The following CATSPER3 variants were observed in gnomAD, a reference collection of about 807,000 sequenced individuals.
CATSPER3 encodes cation channel sperm-associated protein 3.
CATSPER3 carries 23 observed loss-of-function variants against 36.6 expected under a neutral mutation model. The observed-to-expected ratio is 0.63, with a 90% CI of 0.45 to 0.89. CATSPER3 has a LOEUF of 0.89. Ranked by LOEUF, CATSPER3 falls within the 40% of genes least tolerant of loss-of-function variation. The pLI is 0.00. For missense variants in CATSPER3, 474 were observed against 503.9 expected (o/e 0.94, Z 0.57); for synonymous variants, 172 against 184.1 (o/e 0.93, Z 0.53).
At chr5:135,008,570 A>G (rs1285543224) in intron 4 of CATSPER3, among the ~76,000 whole-genome samples, 1 of 152,054 alleles carries the variant, frequency 6.6e-6, no homozygotes, top group African/African-American at 2.4e-5. Flanking sequence ...TGGGCCTGGC[A>G]GAGAGGCAGT....
intron 3 of CATSPER3, among the ~76,000 whole-genome samples, chr5:134,999,941 C>G (rs371398134): frequency 2.0e-5 from 3 of 152,160 alleles, no homozygotes; most frequent in African/African-American, 7.2e-5. Flanking sequence ...ACTTCCAACA[C>G]TATGTTGAAT....
intron 3 of CATSPER3, 70 bp from the exon 4 acceptor site, chr5:135,007,887 T>A: frequency 8.9e-7 from 1 of 1,129,350 alleles, no homozygotes; most frequent in South Asian, 1.2e-5. Context: ...CTGGGCAGAA[T>A]GGACCTCTGT....
Position 135,010,458 on chromosome 5 carries a change from AT to A in CATSPER3, c.1026del (p.Phe342LeufsTer36), listed in dbSNP as rs1752167175. The A allele has an allele frequency of 1.1e-5, 17 of 1,613,870 alleles. No individual in the cohort carries two copies. The East Asian group carries it at 3.8e-4, about 36-fold the overall frequency. On this transcript the variant is annotated frameshift_variant, in exon 7 of 8. Coordinates refer to ENST00000282611, the MANE Select transcript of CATSPER3 (RefSeq NM_178019.3). LOFTEE classifies it high-confidence loss of function. The part of the protein sequence containing the change: ...LSHTDPMVLD[D>X]FGTSLPFIDI... ...CACACTGACCCAATGGTCTTGGATG[AT>A]TTTGGCACTAGCTTACCCTTCATCG...
At chr5:134,979,103 A>C (rs1751717351) in intron 2 of CATSPER3, among the ~76,000 whole-genome samples, 1 of 151,904 alleles carries the variant, frequency 6.6e-6, no homozygotes, top group South Asian at 2.1e-4. Context: ...CACATTCCTA[A>C]TGTAGAACCC....
chr5:134,987,796 C>T (rs1751829628), intron 2 of CATSPER3, among the ~76,000 whole-genome samples: 1 of 152,114 alleles, frequency 6.6e-6, no homozygotes, highest in Admixed American at 6.6e-5. Context: ...AAGGAAATTC[C>T]TTAACTTGAT....
At chr5:135,010,228 G>T in intron 6 of CATSPER3, 145 bp from the exon 7 acceptor site, 1 of 744,086 alleles carries the variant, frequency 1.3e-6, no homozygotes, top group South Asian at 1.5e-5. Context: ...AAGGGGTCAG[G>T]ATGAAGTTGT....
At chr5:135,008,429 T>C (rs1005318323) in intron 4 of CATSPER3, among the ~76,000 whole-genome samples, 16 of 152,214 alleles carry the variant, frequency 1.1e-4, no homozygotes, top group African/African-American at 3.9e-4. Flanking sequence ...GTTTAATTTA[T>C]AAATGAAACC....
chr5:135,009,966 G>C (rs2149554245), intron 6 of CATSPER3, among the ~76,000 whole-genome samples: 1 of 152,330 alleles, frequency 6.6e-6, no homozygotes, highest in East Asian at 1.9e-4. Context: ...AACCATGAGG[G>C]ACCCGGGTGA....
intron 2 of CATSPER3, among the ~76,000 whole-genome samples, chr5:134,978,118 C>A (rs114908251): frequency 3.3e-5 from 5 of 152,070 alleles, no homozygotes; most frequent in Non-Finnish European, 7.4e-5. Context: ...ACATCCAAAC[C>A]GTATTATGTC....
intron 3 of CATSPER3, among the ~76,000 whole-genome samples, chr5:135,007,100 T>C (rs1196484634): frequency 2.6e-5 from 4 of 152,150 alleles, no homozygotes. Context: ...ACTAAGCCAG[T>C]AAACAGTCTC....
At chr5:134,978,723 CT>C (rs751795550) in intron 2 of CATSPER3, among the ~76,000 whole-genome samples, 284 of 141,994 alleles carry the variant, frequency 2.0e-3, no homozygotes, top group Middle Eastern at 3.7e-3. Context: ...GTTATATTTT[CT>C]TTTTTTTTTT....
chr5:134,986,904 T>A (rs574853810), intron 2 of CATSPER3, among the ~76,000 whole-genome samples: 1 of 152,296 alleles, frequency 6.6e-6, no homozygotes, highest in East Asian at 1.9e-4. Flanking sequence ...TATAAATGCT[T>A]GACATTAGAA....
chr5:134,993,432 C>A (rs1026716175), intron 2 of CATSPER3, among the ~76,000 whole-genome samples: 1 of 151,918 alleles, frequency 6.6e-6, no homozygotes, highest in Admixed American at 6.6e-5. Flanking sequence ...GAATTGTACA[C>A]CTTAAAATGG....
At position 135,006,319 on chromosome 5, in the gene CATSPER3, C is replaced by T. The variant is rs576043298; in HGVS notation, c.493-1638C>T. ...TGCTCAGCTTGGACCTCAGGTGGCACCAGCTTGTGGGCTGGCCTGGAGGTG... is the reference window on the plus strand; with the variant it reads ...TGCTCAGCTTGGACCTCAGGTGGCATCAGCTTGTGGGCTGGCCTGGAGGTG... On this transcript the variant is annotated intron_variant, in intron 3 of 7. Transcript: ENST00000282611. 4.6e-4 allele frequency among the ~76,000 whole-genome samples: 70 copies of T among 152,318 alleles called. 1 individual carries two copies. The South Asian group carries it at 0.013, about 29-fold the overall frequency.
chr5:134,976,569 C>G (rs543553458), intron 2 of CATSPER3, among the ~76,000 whole-genome samples: 1 of 152,342 alleles, frequency 6.6e-6, no homozygotes, highest in Non-Finnish European at 1.5e-5. Flanking sequence ...GCTCATGGCT[C>G]TATCATTCTT....
chr5:135,000,787 T>C (rs1752010825), intron 3 of CATSPER3, among the ~76,000 whole-genome samples: 1 of 152,228 alleles, frequency 6.6e-6, no homozygotes, highest in Non-Finnish European at 1.5e-5. Flanking sequence ...CATTTTTTAT[T>C]GTGTCTATTT....
At position 134,970,162 on chromosome 5, in the gene CATSPER3, A is replaced by T. The variant is rs879096813; in HGVS notation, c.252+70A>T. Reference sequence around the variant, plus strand: ...GCTTTATTTCTGGAAACATTATAAGATTTTTTTTTTTTTCCGAGACAGAAT... The same window carrying T: ...GCTTTATTTCTGGAAACATTATAAGTTTTTTTTTTTTTTCCGAGACAGAAT... On this transcript the variant is annotated intron_variant, in intron 2 of 7. Coordinates refer to ENST00000282611, the MANE Select transcript of CATSPER3 (RefSeq NM_178019.3). The T allele has an allele frequency of 7.4e-5, 92 of 1,246,202 alleles. No individual in the cohort carries two copies. The Admixed American group carries it at 9.5e-4, about 13-fold the overall frequency. 77.2% of individuals were successfully genotyped at this position (1,246,202 alleles called of 1,614,324 possible).
Position 135,009,382 on chromosome 5 carries a change from A to T in CATSPER3, c.828A>T (p.Arg276Ser), listed in dbSNP as rs770334206. The change falls in exon 6 of 8, where the codon AGA becomes AGT. Residue 276 changes from arginine (R) to serine (S), a missense_variant. Physicochemically the swap from Arg to Ser is moderately radical, Grantham distance 110. Transcript: ENST00000282611. Reference protein sequence around the residue: ...VMIMHTEDSIRKFERELMLEQ... With the variant: ...VMIMHTEDSISKFERELMLEQ... ...GTCTGACTCTCTAGGACTCCATCAG[A>T]AAGTTTGAGCGAGAGCTGATGTTGG... The T allele has an allele frequency of 6.2e-7, 1 of 1,613,570 alleles. No individual in the cohort carries two copies. The highest frequency in any genetic ancestry group is 8.5e-7 in the Non-Finnish European group (1 of 1,179,780).
chr5:134,993,733 T>G (rs988814624), intron 2 of CATSPER3, among the ~76,000 whole-genome samples: 1 of 152,234 alleles, frequency 6.6e-6, no homozygotes, highest in Non-Finnish European at 1.5e-5. Context: ...ATATATCCTT[T>G]AATGGCTATA....
Sources: gnomAD v4.1 joint callset for allele counts (sites outside exome capture counted in the v4.1 genomes callset) on GRCh38, gnomAD v4.1.1 for gene constraint, MANE v1.5 for transcripts, NCBI Gene and HGNC (gene_info 2026-07-23, HGNC 2026-07-21) for gene names.